MACROD2: variants seen among roughly 807,000 people sequenced by gnomAD.
MACROD2 encodes mono-ADP ribosylhydrolase 2.
A neutral mutation model predicts 70.4 loss-of-function variants in MACROD2; 36 were observed. That is an observed-to-expected ratio of 0.51 (90% CI 0.39 to 0.68). The LOEUF is 0.68. Among genes scored for constraint, MACROD2 ranks in the 30% least tolerant of loss-of-function variants. The pLI, the probability that MACROD2 is intolerant of heterozygous loss-of-function variation, is 0.00. For missense variants in MACROD2, 496 were observed against 538.4 expected (o/e 0.92, Z 0.78); for synonymous variants, 172 against 178.8 (o/e 0.96, Z 0.30).
rs1347967261 is a variant in MACROD2, at chr20:14,236,866, A to T, written c.271+151138A>T. On this transcript the variant is annotated intron_variant, in intron 3 of 17. Transcript: ENST00000684519. ...TTTCCAATCAAAATGTCAGTTATTAAAAAAATCAGTGTTTATTATAAATTT... is the reference window on the plus strand; with the variant it reads ...TTTCCAATCAAAATGTCAGTTATTATAAAAATCAGTGTTTATTATAAATTT... Among the ~76,000 whole-genome samples the T allele has an allele frequency of 7.2e-5, 11 of 152,162 alleles. No individual in the cohort carries two copies. The South Asian group carries it at 2.3e-3, about 31-fold the overall frequency.
At chr20:14,384,032 TA>T (rs1481408783) in intron 3 of MACROD2, among the ~76,000 whole-genome samples, 1 of 152,186 alleles carries the variant, frequency 6.6e-6, no homozygotes, top group Non-Finnish European at 1.5e-5. Flanking sequence ...TTTGATCATT[TA>T]AATGCTTTAT....
chr20:14,349,571 A>ATG (rs2083100237), intron 3 of MACROD2, among the ~76,000 whole-genome samples: 1 of 147,836 alleles, frequency 6.8e-6, no homozygotes, highest in Admixed American at 6.8e-5. Flanking sequence ...TTATATATAT[A>ATG]TATATTGTAC....
chr20:15,123,156 G>C (rs1313227041), intron 5 of MACROD2, among the ~76,000 whole-genome samples: 1 of 152,094 alleles, frequency 6.6e-6, no homozygotes, highest in Non-Finnish European at 1.5e-5. Context: ...AATGTTTTCT[G>C]GGGCTCATAG....
intron 7 of MACROD2, among the ~76,000 whole-genome samples, chr20:15,479,319 C>G (rs1324581022): frequency 7.7e-6 from 1 of 130,606 alleles, no homozygotes; most frequent in African/African-American, 3.1e-5. Flanking sequence ...GTCGCCCAGG[C>G]TGGAGTGCAG....
chr20:15,605,681 G>A (rs2048883889), intron 8 of MACROD2, among the ~76,000 whole-genome samples: 1 of 152,316 alleles, frequency 6.6e-6, no homozygotes, highest in Middle Eastern at 3.4e-3. Context: ...AAAATCTGGT[G>A]AAAACTTGGT....
chr20:15,276,015 A>G (rs1340577732), intron 6 of MACROD2, among the ~76,000 whole-genome samples: 2 of 152,234 alleles, frequency 1.3e-5, no homozygotes, highest in Non-Finnish European at 2.9e-5. Flanking sequence ...TTAGGTCATT[A>G]ATCAATACGG....
chr20:14,537,195 G>A (rs74847570), intron 4 of MACROD2, among the ~76,000 whole-genome samples: 17,938 of 152,172 alleles, frequency 0.12, 1,525 homozygotes, highest in Non-Finnish European at 0.16. Context: ...GCATTATATG[G>A]TGTCCTAGTT....
intron 5 of MACROD2, among the ~76,000 whole-genome samples, chr20:15,051,973 G>A (rs948548848): frequency 6.6e-6 from 1 of 152,032 alleles, no homozygotes; most frequent in African/African-American, 2.4e-5. Context: ...GGATGGTCTC[G>A]ACCTTTTGAC....
chr20:14,207,650 G>T (rs2081535823), intron 3 of MACROD2, among the ~76,000 whole-genome samples: 1 of 152,150 alleles, frequency 6.6e-6, no homozygotes, highest in Non-Finnish European at 1.5e-5. Flanking sequence ...AAGCTATTCG[G>T]TTATGAGGCA....
chr20:14,990,739 A>G (rs560797832), intron 5 of MACROD2, among the ~76,000 whole-genome samples: 66 of 151,794 alleles, frequency 4.3e-4, no homozygotes, highest in Non-Finnish European at 7.8e-4. Context: ...GTCTTGAACT[A>G]CTGACCTTGT....
chr20:15,314,040 G>A (rs1390764144), intron 6 of MACROD2, among the ~76,000 whole-genome samples: 2 of 152,018 alleles, frequency 1.3e-5, no homozygotes, highest in Non-Finnish European at 2.9e-5. Flanking sequence ...GAATATCTAG[G>A]ACAAAGGTAA....
intron 3 of MACROD2, among the ~76,000 whole-genome samples, chr20:14,304,980 T>C (rs2082507754): frequency 6.6e-6 from 1 of 152,154 alleles, no homozygotes; most frequent in Non-Finnish European, 1.5e-5. Context: ...TGACTATATA[T>C]TAGAATCAAT....
intron 3 of MACROD2, among the ~76,000 whole-genome samples, chr20:14,453,570 C>T (rs148847851): frequency 6.6e-5 from 10 of 152,168 alleles, no homozygotes; most frequent in Non-Finnish European, 4.4e-5. Flanking sequence ...GCTTTAAGTA[C>T]GTGGGATTCA....
chr20:15,412,725 T>A (rs1203400097), intron 6 of MACROD2, among the ~76,000 whole-genome samples: 1 of 152,212 alleles, frequency 6.6e-6, no homozygotes, highest in Non-Finnish European at 1.5e-5. Context: ...CATGATCAGT[T>A]CATTCTTCTG....
chr20:14,468,531 G>A (rs1425278555), intron 3 of MACROD2, among the ~76,000 whole-genome samples: 1 of 149,262 alleles, frequency 6.7e-6, no homozygotes, highest in Non-Finnish European at 1.5e-5. Context: ...GGGGGCGTTG[G>A]GGGCACCGTC....
intron 3 of MACROD2, among the ~76,000 whole-genome samples, chr20:14,146,001 A>G (rs2054937657): frequency 6.6e-6 from 1 of 152,088 alleles, no homozygotes. Context: ...TTTTTGTAAG[A>G]CTGGTTACAG....
chr20:14,518,334 A>T (rs1271485422), intron 4 of MACROD2, among the ~76,000 whole-genome samples: 1 of 152,106 alleles, frequency 6.6e-6, no homozygotes, highest in African/African-American at 2.4e-5. Flanking sequence ...GGAAACAAAG[A>T]CTGTCTTTTC....
intron 4 of MACROD2, among the ~76,000 whole-genome samples, chr20:14,523,954 G>A (rs906867921): frequency 3.9e-5 from 6 of 152,214 alleles, no homozygotes; most frequent in East Asian, 1.9e-4. Flanking sequence ...GAGGTGATCC[G>A]GACGTTGTTC....
At position 14,270,418 on chromosome 20, in the gene MACROD2, T is replaced by G. The variant is rs542471339; in HGVS notation, c.271+184690T>G. On this transcript the variant is annotated intron_variant, in intron 3 of 17. Transcript: ENST00000684519. ...GAACCTGGCCAATATGTTGAAACCC[T>G]GTCTCTACTAAAACACAAAAATTAG... Among the ~76,000 whole-genome samples, 43 of 152,170 alleles carry G rather than the reference T, an allele frequency of 2.8e-4. No individual in the cohort carries two copies. The South Asian group carries it at 5.8e-3, about 21-fold the overall frequency.
Sources: gnomAD v4.1 joint callset for allele counts (sites outside exome capture counted in the v4.1 genomes callset) on GRCh38, gnomAD v4.1.1 for gene constraint, MANE v1.5 for transcripts, NCBI Gene and HGNC (gene_info 2026-07-23, HGNC 2026-07-21) for gene names.